CNTN1: variants seen among roughly 807,000 people sequenced by gnomAD.
The protein encoded by CNTN1 is contactin 1, also known as contactin-1.
Under a neutral mutation model 126.4 loss-of-function variants are expected in CNTN1, and 38 were observed. That is an observed-to-expected ratio of 0.30 (90% CI 0.23 to 0.39). The LOEUF (loss-of-function observed/expected upper bound fraction) is 0.39, where lower values mean the gene tolerates loss of function less well. CNTN1 is among the 10% of genes least tolerant of loss of function. The pLI is 1.00. For missense variants in CNTN1, 1,009 were observed against 1,248.4 expected (o/e 0.81, Z 2.89); for synonymous variants, 413 against 422.6 (o/e 0.98, Z 0.28).
rs1054726204 is a variant in CNTN1, at chr12:41,071,331, A to G, written c.*1296A>G. On this transcript the variant is annotated 3_prime_UTR_variant, in exon 24 of 24. Coordinates refer to ENST00000551295, the MANE Select transcript of CNTN1 (RefSeq NM_001843.4). ...TTCATTCTCCATGGTGTGCATGGAA[A>G]TGTGTTTGAGTGTGGATGTAAAAGA... 3.3e-5 allele frequency: 5 copies of G among 152,170 alleles called. No homozygotes were observed. The highest frequency in any genetic ancestry group is 1.2e-4 in the African/African-American group (5 of 41,448). 9.4% of individuals were successfully genotyped at this position (152,170 alleles called of 1,614,324 possible).
intron 1 of CNTN1, among the ~76,000 whole-genome samples, chr12:40,780,298 A>C (rs1158015996): frequency 6.6e-6 from 1 of 151,926 alleles, no homozygotes; most frequent in Non-Finnish European, 1.5e-5. Context: ...AACTTGTCAC[A>C]TACATATCCC....
At chr12:40,899,748 G>A (rs967845391) in intron 1 of CNTN1, among the ~76,000 whole-genome samples, 1 of 152,024 alleles carries the variant, frequency 6.6e-6, no homozygotes. Context: ...AAAATATTAA[G>A]ACTATTCTTC....
At position 40,887,544 on chromosome 12, in the gene CNTN1, G is replaced by T. The variant is rs575062509; in HGVS notation, c.-76-20813G>T. Among the ~76,000 whole-genome samples, 703 of 152,160 alleles carry T rather than the reference G, an allele frequency of 4.6e-3. 6 individuals are homozygous for T. Among genetic ancestry groups the T allele is most frequent in the African/African-American group, 0.013 (525 of 41,506 alleles). On this transcript the variant is annotated intron_variant, in intron 1 of 23. Coordinates refer to ENST00000551295, the MANE Select transcript of CNTN1 (RefSeq NM_001843.4). ...TGCTGGAGAGGATGTGGAGAAATAG[G>T]AACACTTTTACACTGTTGGTGGGAC...
At chr12:40,728,454 T>C (rs1942413919) in intron 1 of CNTN1, among the ~76,000 whole-genome samples, 1 of 152,110 alleles carries the variant, frequency 6.6e-6, no homozygotes, top group Non-Finnish European at 1.5e-5. Flanking sequence ...CTGTAAGACT[T>C]CTTCCAGAGC....
chr12:40,961,153 G>A (rs1411122503), intron 15 of CNTN1, among the ~76,000 whole-genome samples: 2 of 151,916 alleles, frequency 1.3e-5, no homozygotes, highest in Non-Finnish European at 2.9e-5. Flanking sequence ...AACGTATACA[G>A]CATTTTAAGT....
intron 1 of CNTN1, among the ~76,000 whole-genome samples, chr12:40,855,826 G>A (rs1942887123): frequency 2.6e-5 from 4 of 152,020 alleles, no homozygotes; most frequent in Admixed American, 2.6e-4. Flanking sequence ...TATTAATTCT[G>A]TTTTGAATTT....
chr12:40,859,220 C>T (rs188998232), intron 1 of CNTN1, among the ~76,000 whole-genome samples: 1 of 151,858 alleles, frequency 6.6e-6, no homozygotes, highest in Non-Finnish European at 1.5e-5. Flanking sequence ...GAGAATAGAC[C>T]CATAAGTAGG....
chr12:41,019,020 G>A (rs1247588009), intron 19 of CNTN1, among the ~76,000 whole-genome samples: 1 of 152,108 alleles, frequency 6.6e-6, no homozygotes, highest in Non-Finnish European at 1.5e-5. Flanking sequence ...GCCAGGTGTT[G>A]TGGCACAAGC....
At chr12:40,912,290 T>C (rs1945068012) in intron 3 of CNTN1, among the ~76,000 whole-genome samples, 1 of 152,084 alleles carries the variant, frequency 6.6e-6, no homozygotes, top group African/African-American at 2.4e-5. Flanking sequence ...TATGAATAAG[T>C]TGCACATAAT....
At chr12:40,812,522 T>G (rs1410845999) in intron 1 of CNTN1, among the ~76,000 whole-genome samples, 10 of 152,134 alleles carry the variant, frequency 6.6e-5, no homozygotes, top group African/African-American at 2.4e-4. Context: ...CTAATACTAT[T>G]GTATTTGTGT....
Position 41,040,844 on chromosome 12 carries a change from A to G in CNTN1, c.2980+11625A>G, listed in dbSNP as rs370289369. 1.7e-3 allele frequency among the ~76,000 whole-genome samples: 250 copies of G among 147,358 alleles called. 7 individuals carry two copies. The East Asian group carries it at 0.038, about 23-fold the overall frequency. ...GACAATGGGGTTTTCTAGATATACAATCATGTCATCTGCAAACAGGGACAA... is the reference window on the plus strand; with the variant it reads ...GACAATGGGGTTTTCTAGATATACAGTCATGTCATCTGCAAACAGGGACAA... On this transcript the variant is annotated intron_variant, in intron 23 of 23. Transcript: ENST00000551295.
At chr12:41,010,215 G>A (rs959780728) in intron 17 of CNTN1, among the ~76,000 whole-genome samples, 3 of 152,116 alleles carry the variant, frequency 2.0e-5, no homozygotes, top group Non-Finnish European at 4.4e-5. Flanking sequence ...AGCCACTGGA[G>A]CTCCGGGACC....
At chr12:40,852,817 T>C (rs1419286155) in intron 1 of CNTN1, among the ~76,000 whole-genome samples, 1 of 152,126 alleles carries the variant, frequency 6.6e-6, no homozygotes, top group East Asian at 1.9e-4. Context: ...AATCTTCCTT[T>C]ATTAATTTTC....
intron 23 of CNTN1, among the ~76,000 whole-genome samples, chr12:41,044,217 G>A (rs116474498): frequency 6.6e-6 from 1 of 151,294 alleles, no homozygotes; most frequent in Admixed American, 6.6e-5. Flanking sequence ...TTACAGAAAG[G>A]CTAGGATGTT....
intron 15 of CNTN1, chr12:40,978,601 A>G (rs1279553657): frequency 6.6e-6 from 1 of 152,180 alleles, no homozygotes; most frequent in Non-Finnish European, 1.5e-5. Context: ...CGAGAAAACA[A>G]TGGACAAGTA....
At chr12:41,053,887 A>C (rs1221214082) in intron 23 of CNTN1, among the ~76,000 whole-genome samples, 1 of 151,774 alleles carries the variant, frequency 6.6e-6, no homozygotes, top group Non-Finnish European at 1.5e-5. Flanking sequence ...AAAAGTCCCC[A>C]AAACTCTATT....
intron 1 of CNTN1, among the ~76,000 whole-genome samples, chr12:40,885,050 T>C (rs1315766923): frequency 6.6e-6 from 1 of 151,884 alleles, no homozygotes; most frequent in Non-Finnish European, 1.5e-5. Context: ...AGCTATTTAG[T>C]TGCCTCAGTG....
chr12:40,760,432 C>T (rs1349675164), intron 1 of CNTN1, among the ~76,000 whole-genome samples: 2 of 151,756 alleles, frequency 1.3e-5, no homozygotes, highest in East Asian at 1.9e-4. Context: ...AATACAAACA[C>T]TGCTACCAAC....
intron 1 of CNTN1, among the ~76,000 whole-genome samples, chr12:40,773,786 C>G (rs1002758600): frequency 6.7e-6 from 1 of 149,964 alleles, no homozygotes; most frequent in Non-Finnish European, 1.5e-5. Flanking sequence ...CTGTTCTTAA[C>G]AAGCAAATTT....
Sources: gnomAD v4.1 joint callset for allele counts (sites outside exome capture counted in the v4.1 genomes callset) on GRCh38, gnomAD v4.1.1 for gene constraint, MANE v1.5 for transcripts, NCBI Gene and HGNC (gene_info 2026-07-23, HGNC 2026-07-21) for gene names.